The following RNF145 variants were observed in gnomAD, a reference collection of about 807,000 sequenced individuals.
The protein encoded by RNF145 is ring finger protein 145.
RNF145 carries 12 observed loss-of-function variants against 57.3 expected under a neutral mutation model. The observed-to-expected ratio is 0.21, with a 90% confidence interval of 0.13 to 0.34. The LOEUF is 0.34. RNF145 is among the 10% of genes least tolerant of loss of function. RNF145 has a pLI of 1.00. For synonymous variants in RNF145, 262 were observed against 288.3 expected (o/e 0.91, Z 0.92); for missense variants, 429 against 799.0 (o/e 0.54, Z 5.58).
At chr5:159,194,040 G>C (rs755972303) in intron 3 of RNF145, among the ~76,000 whole-genome samples, 8 of 152,146 alleles carry the variant, frequency 5.3e-5, no homozygotes, top group Non-Finnish European at 8.8e-5. Context: ...GCAGACCCAA[G>C]TCTTAAAATT....
chr5:159,176,851 A>G lies in RNF145; in HGVS notation c.402T>C (p.Cys134=). 1.2e-6 allele frequency: 2 copies of G among 1,608,980 alleles called. No homozygotes were observed. Among genetic ancestry groups the G allele is most frequent in the Non-Finnish European group, 8.5e-7 (1 of 1,176,192 alleles). Residue 134 remains cysteine, a synonymous_variant, in exon 5 of 11, where the codon TGT becomes TGC. Coordinates refer to ENST00000424310, the MANE Select transcript of RNF145 (RefSeq NM_001199383.2). Reference sequence around the variant, plus strand: ...TTTTCATGACACAGGAGCATAAAGTACACACCACCAACTGACCTAAAATAG... The same window carrying G: ...TTTTCATGACACAGGAGCATAAAGTGCACACCACCAACTGACCTAAAATAG... The part of the protein sequence containing the change: ...TTALIGQLVV[C]TLCSCVMKTK...
At chr5:159,207,865 G>C (rs1446148716) in intron 1 of RNF145, 2 of 1,613,906 alleles carry the variant, frequency 1.2e-6, no homozygotes, top group Admixed American at 1.7e-5. Context: ...TTAAGGAACA[G>C]AGAGAGGAAA....
Position 159,158,831 on chromosome 5 carries a change from G to A in RNF145, c.1831C>T (p.Pro611Ser). 2.5e-6 allele frequency: 4 copies of A among 1,613,932 alleles called. No individual in the cohort carries two copies. The highest frequency in any genetic ancestry group is 2.2e-5 in the South Asian group (2 of 91,060). The change falls in exon 11 of 11, where the codon CCC becomes TCC. Residue 611 changes from proline to serine, a missense_variant. Pro to Ser is a moderately conservative substitution (Grantham distance 74, BLOSUM62 -1). Coordinates refer to ENST00000424310, the MANE Select transcript of RNF145 (RefSeq NM_001199383.2). The part of the protein sequence containing the change: ...QNVMFQEGTE[P>S]PGQEHTPGTR... ...CCTGGAGTATGCTCCTGGCCTGGGG[G>A]TTCAGTACCTTCCTGAAACATGACG...
In RNF145 at chr5:159,167,198, T is replaced by C. The variant is rs928276816; in HGVS notation, c.1121+1675A>G. On this transcript the variant is annotated intron_variant, in intron 8 of 10. Transcript: ENST00000424310. ...CATGTAGCTGATGGTTAGTCTCTTA[T>C]TACTGTAGGCAATGGTGGGAGGGAA... Among the ~76,000 whole-genome samples the C allele has an allele frequency of 4.6e-5, 7 of 152,348 alleles. No individual in the cohort carries two copies. The East Asian group carries it at 5.8e-4, about 13-fold the overall frequency.
Position 159,203,636 on chromosome 5 carries a change from T to C in RNF145, c.-19A>G. The C allele has an allele frequency of 1.3e-6, 2 of 1,590,778 alleles. No homozygotes were observed. Among genetic ancestry groups the C allele is most frequent in the Non-Finnish European group, 8.5e-7 (1 of 1,172,774 alleles). ...CAGCCATGTTGTTTTTTTTTTTCTT[T>C]TTTTTTTTCTTGGAGAAGACCTAAA... On this transcript the variant is annotated 5_prime_UTR_variant, in exon 2 of 11. Transcript: ENST00000424310.
chr5:159,207,744 T>G (rs1270914539), intron 1 of RNF145: 25 of 1,614,050 alleles, frequency 1.5e-5, no homozygotes, highest in Non-Finnish European at 2.1e-5. Flanking sequence ...GCTAGCTAAC[T>G]TTGTATGTAC....
chr5:159,173,456 A>C (rs565972803), intron 6 of RNF145, among the ~76,000 whole-genome samples: 2 of 152,190 alleles, frequency 1.3e-5, no homozygotes, highest in Non-Finnish European at 2.9e-5. Flanking sequence ...ATAGAGAGTA[A>C]GTCACAGGCT....
intron 3 of RNF145, among the ~76,000 whole-genome samples, chr5:159,190,429 T>C (rs1466858763): frequency 6.6e-6 from 1 of 152,072 alleles, no homozygotes; most frequent in Non-Finnish European, 1.5e-5. Flanking sequence ...CTCATACCTG[T>C]AATCCCAAAG....
chr5:159,186,768 T>G (rs917692379), intron 3 of RNF145, among the ~76,000 whole-genome samples: 7 of 152,144 alleles, frequency 4.6e-5, no homozygotes, highest in African/African-American at 1.7e-4. Context: ...TTTGATAATG[T>G]TCAAAAGCAG....
chr5:159,187,552 T>C (rs1562065632), intron 3 of RNF145, among the ~76,000 whole-genome samples: 2 of 152,014 alleles, frequency 1.3e-5, no homozygotes, highest in African/African-American at 2.4e-5. Context: ...TGGTCTCGAA[T>C]GCCTGACCTT....
chr5:159,165,662 G>A (rs1383800382), intron 8 of RNF145, among the ~76,000 whole-genome samples: 2 of 7,066 alleles, frequency 2.8e-4, no homozygotes, highest in Non-Finnish European at 3.8e-4. Flanking sequence ...CAGCCTGGGC[G>A]ACAGAGCGAG....
intron 5 of RNF145, among the ~76,000 whole-genome samples, chr5:159,176,398 G>C (rs1784722072): frequency 6.6e-6 from 1 of 151,968 alleles, no homozygotes; most frequent in Admixed American, 6.6e-5. Context: ...GCAGCATCAG[G>C]GTTCGATCTC....
chr5:159,193,115 C>T (rs985694196), intron 3 of RNF145, among the ~76,000 whole-genome samples: 2 of 152,170 alleles, frequency 1.3e-5, no homozygotes, highest in Admixed American at 6.5e-5. Flanking sequence ...AGGGATGCTA[C>T]AGGACAAGGT....
At chr5:159,195,030 T>G (rs757423853) in intron 2 of RNF145, among the ~76,000 whole-genome samples, 114 of 152,110 alleles carry the variant, frequency 7.5e-4, no homozygotes, top group Non-Finnish European at 1.4e-3. Context: ...TCACTTCTTT[T>G]GTAGATTTCT....
rs1015744827 is a variant in RNF145, at chr5:159,157,515, G to A, written c.*1155C>T. ...AGTCACATCCCACATTAGGAATACC[G>A]AGGTCTGAAAAACACTTTTTGAGCC... On this transcript the variant is annotated 3_prime_UTR_variant, in exon 11 of 11. Transcript: ENST00000424310. 1 of 152,658 alleles carries A rather than the reference G, an allele frequency of 6.6e-6. No homozygotes were observed. The allele number at this position is 152,658 out of a possible 1,614,324, so 9.5% of individuals were successfully genotyped here.
chr5:159,172,424 TGAGCC>T (rs1411122548), intron 6 of RNF145, among the ~76,000 whole-genome samples: 1 of 151,714 alleles, frequency 6.6e-6, no homozygotes, highest in African/African-American at 2.4e-5. Context: ...GAGGTTGCAG[TGAGCC>T]GAGATTGTGC....
intron 2 of RNF145, among the ~76,000 whole-genome samples, chr5:159,196,911 G>T (rs988438189): frequency 2.0e-5 from 3 of 151,662 alleles, no homozygotes; most frequent in Non-Finnish European, 4.4e-5. Context: ...CCTATATATC[G>T]CATATAAAAT....
At chr5:159,162,376 T>A (rs1173244686) in intron 9 of RNF145, among the ~76,000 whole-genome samples, 3 of 152,040 alleles carry the variant, frequency 2.0e-5, no homozygotes, top group Non-Finnish European at 4.4e-5. Flanking sequence ...AAAGGCTTAA[T>A]TACCTTCATA....
intron 2 of RNF145, among the ~76,000 whole-genome samples, chr5:159,201,245 G>A (rs890355850): frequency 1.3e-5 from 2 of 152,118 alleles, no homozygotes; most frequent in African/African-American, 4.8e-5. Flanking sequence ...CTGAGTATGC[G>A]CAGATTTTGG....
Sources: allele counts gnomAD v4.1 joint callset (sites outside exome capture counted in the v4.1 genomes callset), GRCh38; gene constraint gnomAD v4.1.1; transcripts MANE v1.5; gene names NCBI Gene and HGNC (gene_info 2026-07-23, HGNC 2026-07-21).